The following PPP1R13L variants were observed in gnomAD, a reference collection of about 807,000 sequenced individuals.
PPP1R13L encodes the protein relA-associated inhibitor.
In PPP1R13L, 50 loss-of-function variants were observed where a neutral mutation model predicts 80.9. The ratio of observed to expected loss-of-function variants is 0.62; its 90% CI spans 0.49 to 0.78. The LOEUF (loss-of-function observed/expected upper bound fraction) is 0.78, where lower values mean the gene tolerates loss of function less well. PPP1R13L is among the 30% of genes least tolerant of loss of function. The probability of loss-of-function intolerance (pLI) is 0.00; values close to 1 mark genes in which losing one functional copy is unlikely to be tolerated. For missense variants in PPP1R13L, 1,200 were observed against 1,205.9 expected (o/e 1.00, Z 0.07); for synonymous variants, 602 against 534.3 (o/e 1.13, Z -1.75).
chr19:45,390,515 C>A (rs891364492), intron 8 of PPP1R13L, among the ~76,000 whole-genome samples: 2 of 152,008 alleles, frequency 1.3e-5, no homozygotes, highest in Non-Finnish European at 2.9e-5. Context: ...TGTCTGTAGC[C>A]CCCAGTCACG....
intron 8 of PPP1R13L, among the ~76,000 whole-genome samples, chr19:45,386,424 G>T (rs1235753769): frequency 6.6e-6 from 1 of 152,056 alleles, no homozygotes; most frequent in Non-Finnish European, 1.5e-5. Flanking sequence ...AAAGCTGGGG[G>T]GCCATGGGAT....
intron 3 of PPP1R13L, among the ~76,000 whole-genome samples, chr19:45,397,366 TTCTC>T (rs1171009944): frequency 1.9e-4 from 28 of 145,748 alleles, no homozygotes; most frequent in Middle Eastern, 3.4e-3. Flanking sequence ...CTTTCTTTCT[TTCTC>T]TCTCTTTCTT....
intron 7 of PPP1R13L, 145 bp downstream of exon 7, chr19:45,395,291 A>T: frequency 8.4e-7 from 1 of 1,184,120 alleles, no homozygotes; most frequent in Non-Finnish European, 1.2e-6. Context: ...CAAATTCCCA[A>T]ACTCACCTGG....
Position 45,391,916 on chromosome 19 carries a change from CG to C in PPP1R13L, c.1778del (p.Pro593ArgfsTer44). ...APPAPIPPPA[P>X]SQSSPPEQPQ... is the part of the protein sequence containing the mutation. ...GCTGCTCTGGTGGGCTGCTCTGGGACGGGGCCGGGGGTGGAATGGGAGCTGG... is the reference window on the plus strand; with the variant it reads ...GCTGCTCTGGTGGGCTGCTCTGGGACGGGCCGGGGGTGGAATGGGAGCTGG... On this transcript the variant is annotated frameshift_variant, in exon 8 of 13. Transcript: ENST00000360957. LOFTEE classifies it high-confidence loss of function. 1 of 1,496,582 alleles carries C rather than the reference CG, an allele frequency of 6.7e-7. No individual in the cohort carries two copies. The highest frequency in any genetic ancestry group is 2.4e-5 in the Admixed American group (1 of 41,410). The allele number at this position is 1,496,582 out of a possible 1,614,324, so 92.7% of individuals were successfully genotyped here. A position where few individuals can be genotyped will look rare whatever the true frequency, so the allele number is the denominator to read the frequency against.
chr19:45,396,048 G>T lies in PPP1R13L; in HGVS notation c.903+120C>A. On this transcript the variant is annotated intron_variant, in intron 6 of 12. Coordinates refer to ENST00000360957, the MANE Select transcript of PPP1R13L (RefSeq NM_006663.4). This position sits in a 1 kb window ranked among gnomAD's most constrained non-coding sequence, Gnocchi z 5.3. ...AAACCCAGCACAGTGAAGGGAGAGC[G>T]TGGGAACGGGCGCCGAGACCCAGAT... The T allele has an allele frequency of 7.6e-7, 1 of 1,309,596 alleles. No homozygotes were observed. The highest frequency in any genetic ancestry group is 1.0e-6 in the Non-Finnish European group (1 of 956,392). The allele number at this position is 1,309,596 out of a possible 1,614,324, so 81.1% of individuals were successfully genotyped here.
upstream of PPP1R13L, among the ~76,000 whole-genome samples, chr19:45,405,302 C>A (rs1369987818): frequency 1.3e-5 from 2 of 152,182 alleles, no homozygotes; most frequent in East Asian, 3.8e-4. Flanking sequence ...ACAGAAGAGC[C>A]GAGACGCCTG....
chr19:45,387,727 A>G (rs1972897029), intron 8 of PPP1R13L, among the ~76,000 whole-genome samples: 1 of 151,932 alleles, frequency 6.6e-6, no homozygotes, highest in African/African-American at 2.4e-5. Context: ...GCTATTTTGT[A>G]TTTTTAGTAA....
At chr19:45,392,378 A>C (rs767328247) in intron 7 of PPP1R13L, 38 bp from the exon 8 acceptor site, 1 of 1,593,020 alleles carries the variant, frequency 6.3e-7, no homozygotes, top group Non-Finnish European at 8.6e-7. Flanking sequence ...ACAGGTCCCC[A>C]GGAGACACCC....
At chr19:45,400,528 G>C (rs1973210697) in intron 1 of PPP1R13L, among the ~76,000 whole-genome samples, 1 of 151,754 alleles carries the variant, frequency 6.6e-6, no homozygotes, top group African/African-American at 2.4e-5. Flanking sequence ...CAGGGAGTGT[G>C]TGACCTTGGG....
chr19:45,395,850 T>C lies in PPP1R13L; in HGVS notation c.940A>G (p.Lys314Glu), dbSNP rs1406650513. 2 of 1,597,430 alleles carry C rather than the reference T, an allele frequency of 1.3e-6. No homozygotes were observed. Among genetic ancestry groups the C allele is most frequent in the Admixed American group, 3.5e-5 (2 of 57,568 alleles). Residue 314 changes from lysine (K) to glutamate (E), a missense_variant, in exon 7 of 13, where the codon AAG becomes GAG. Lys to Glu is a moderately conservative substitution (Grantham distance 56). This residue lies in a region of PPP1R13L where 764 missense variants were observed against 714.5 expected (regional missense o/e 1.07). Coordinates refer to ENST00000360957, the MANE Select transcript of PPP1R13L (RefSeq NM_006663.4). ...CGGTCGCTGGCCAGAGGAGAGACCTTGTAATTGCGCGGCAGGGTGGCGCTA... is the reference window on the plus strand; with the variant it reads ...CGGTCGCTGGCCAGAGGAGAGACCTCGTAATTGCGCGGCAGGGTGGCGCTA... ...LTSATLPRNYKVSPLASDRRS... is the reference protein window; with the variant it reads ...LTSATLPRNYEVSPLASDRRS...
intron 1 of PPP1R13L, among the ~76,000 whole-genome samples, chr19:45,403,902 C>T (rs964229808): frequency 2.6e-5 from 4 of 152,008 alleles, no homozygotes; most frequent in African/African-American, 4.8e-5. Context: ...GCCCTCCCCC[C>T]GCCTCAAGGA....
chr19:45,392,292 C>G lies in PPP1R13L; in HGVS notation c.1403G>C (p.Gly468Ala). The change falls in exon 8 of 13, where the codon GGG becomes GCG. Residue 468 changes from glycine (G) to alanine (A), a missense_variant. Physicochemically the swap from Gly to Ala is moderately conservative, Grantham distance 60 (BLOSUM62 0). This residue lies in a region of PPP1R13L where 764 missense variants were observed against 714.5 expected (regional missense o/e 1.07). Transcript: ENST00000360957. The part of the protein sequence containing the change: ...TELEPEPEIE[G>A]LLTPVLEAGD... ...AGCCTCCAGCACTGGTGTCAGCAGC[C>G]CCTCTATCTCCGGCTCAGGCTCCAG... The G allele has an allele frequency of 6.2e-7, 1 of 1,613,608 alleles. No homozygotes were observed. The highest frequency in any genetic ancestry group is 8.5e-7 in the Non-Finnish European group (1 of 1,180,026).
chr19:45,406,357 T>C (rs1259277279), upstream of PPP1R13L: 7 of 1,241,028 alleles, frequency 5.6e-6, no homozygotes, highest in East Asian at 2.8e-4. The surrounding 1 kb of genome is among the most constrained non-coding windows in gnomAD (Gnocchi z 4.2). Context: ...AAGAGCAGTG[T>C]GGCTGCCCCT....
At position 45,396,903 on chromosome 19, in the gene PPP1R13L, C is replaced by T. The variant is rs763083585; in HGVS notation, c.354G>A (p.Pro118=). ...GGTAGAGCGGGGTGCGCGGCGACGA[C>T]GGCCGTCCCTTGGGGGACAGCGGGC... The part of the protein sequence containing the change: ...PYSPLSPKGR[P]SSPRTPLYLQ... The change falls in exon 4 of 13, where the codon CCG becomes CCA. Residue 118 remains proline, a synonymous_variant. Transcript: ENST00000360957. This position sits in a 1 kb window ranked among gnomAD's most constrained non-coding sequence, Gnocchi z 5.3. 23 of 1,511,544 alleles carry T rather than the reference C, an allele frequency of 1.5e-5. No homozygotes were observed. The highest frequency in any genetic ancestry group is 4.4e-5 in the Admixed American group (2 of 45,424). The allele number at this position is 1,511,544 out of a possible 1,614,324, so 93.6% of individuals were successfully genotyped here.
chr19:45,390,576 C>G (rs902656115), intron 8 of PPP1R13L, among the ~76,000 whole-genome samples: 1 of 152,090 alleles, frequency 6.6e-6, no homozygotes, highest in African/African-American at 2.4e-5. Context: ...GACCCCTTAG[C>G]GTTGTAAGCC....
chr19:45,392,089 G>T lies in PPP1R13L; in HGVS notation c.1606C>A (p.Pro536Thr), dbSNP rs1043888246. The T allele has an allele frequency of 6.5e-7, 1 of 1,543,038 alleles. No individual in the cohort carries two copies. The highest frequency in any genetic ancestry group is 2.0e-5 in the Admixed American group (1 of 49,216). ...TGGTACTGTTTCTTGTGGGTAGGGG[G>T]CAGGGCCACAGCAGGGGCCTGCTCC... ...SMEQAPAVAL[P>T]PTHKKQYQQI... Residue 536 changes from proline (P) to threonine (T), a missense_variant, in exon 8 of 13, where the codon CCC becomes ACC. Pro to Thr is a conservative substitution (Grantham distance 38). This residue lies in a region of PPP1R13L where 53 missense variants were observed against 96.5 expected (regional missense o/e 0.55). Coordinates refer to ENST00000360957, the MANE Select transcript of PPP1R13L (RefSeq NM_006663.4).
intron 6 of PPP1R13L, 48 bp from the exon 7 acceptor site, chr19:45,395,934 G>A (rs1360894843): frequency 6.7e-7 from 1 of 1,483,588 alleles, no homozygotes; most frequent in Admixed American, 2.0e-5. Context: ...GAGGGAAGGT[G>A]GAGGGGAGGT....
intron 8 of PPP1R13L, among the ~76,000 whole-genome samples, chr19:45,387,633 C>G (rs749291904): frequency 7.2e-5 from 11 of 152,260 alleles, no homozygotes; most frequent in Admixed American, 2.0e-4. Context: ...CAGCTCACTG[C>G]AAGCTCCGCC....
intron 11 of PPP1R13L, 82 bp from the exon 12 acceptor site, chr19:45,382,808 C>T (rs1174119489): frequency 1.1e-5 from 15 of 1,383,582 alleles, no homozygotes; most frequent in African/African-American, 4.4e-5. Context: ...CAGGACAGAC[C>T]CTGGAATTTG....
Sources: gnomAD v4.1 joint callset for allele counts (sites outside exome capture counted in the v4.1 genomes callset) on GRCh38, gnomAD v4.1.1 for gene constraint, gnomAD v4.1.1 regional missense constraint, Gnocchi (gnomAD v3.1) non-coding constraint, MANE v1.5 for transcripts, NCBI Gene and HGNC (gene_info 2026-07-23, HGNC 2026-07-21) for gene names.